The following WDFY4 variants were observed in gnomAD, a reference collection of about 807,000 sequenced individuals.
WDFY4 encodes WD repeat- and FYVE domain-containing protein 4.
In WDFY4, 169 loss-of-function variants were observed where a neutral mutation model predicts 351.9. The observed-to-expected ratio is 0.48, with a 90% CI of 0.42 to 0.55. The LOEUF is 0.55. Among genes scored for constraint, WDFY4 ranks in the 20% least tolerant of loss-of-function variants. The pLI, the probability that WDFY4 is intolerant of heterozygous loss-of-function variation, is 0.00. For synonymous variants in WDFY4, 1,622 were observed against 1,574.6 expected, an observed-to-expected ratio of 1.03 and a Z score of -0.71; for missense variants, 3,803 against 3,935.6, an observed-to-expected ratio of 0.97 and a Z score of 0.90.
chr10:48,866,800 C>T (rs902840309), intron 39 of WDFY4, among the ~76,000 whole-genome samples: 1 of 152,154 alleles, frequency 6.6e-6, no homozygotes, highest in Non-Finnish European at 1.5e-5. Context: ...ATAGGTGACG[C>T]CTGTATTTAT....
rs565360608 is a variant in WDFY4 at position 48,913,643 on chromosome 10, C to T, written c.7586+11780C>T. 32 of 1,613,884 alleles carry T rather than the reference C, an allele frequency of 2.0e-5. No homozygotes were observed. The East Asian group carries it at 3.6e-4, about 18-fold the overall frequency. On this transcript the variant is annotated intron_variant, in intron 47 of 61. Coordinates refer to ENST00000325239, the MANE Select transcript of WDFY4 (RefSeq NM_001394531.1). ...GAAAGGGGTTCCGCTTTATGTTGAG[C>T]TTTTTCAGCTTGGGGAGCTTGGAGA... is the stretch of plus-strand genomic sequence containing the variant.
chr10:48,733,297 T>TTTCATTCATTCA (rs57440826), intron 9 of WDFY4, among the ~76,000 whole-genome samples: 12 of 151,984 alleles, frequency 7.9e-5, no homozygotes, highest in African/African-American at 2.7e-4. Context: ...TAAACTCTAT[T>TTTCATTCATTCA]TTCATTCATT....
chr10:48,804,658 T>C, intron 25 of WDFY4: 3 of 957,104 alleles, frequency 3.1e-6, no homozygotes, highest in Non-Finnish European at 3.7e-6. Flanking sequence ...TCTTCCACTT[T>C]CCACTTTGTT....
At chr10:48,970,334 A>G in intron 57 of WDFY4, 45 bp downstream of exon 57, 1 of 1,537,422 alleles carries the variant, frequency 6.5e-7, no homozygotes, top group Non-Finnish European at 8.7e-7. Context: ...TGGGGACAGT[A>G]CTTCATGTAG....
chr10:48,800,241 C>T (rs770656494), intron 24 of WDFY4, among the ~76,000 whole-genome samples: 12 of 152,140 alleles, frequency 7.9e-5, no homozygotes, highest in African/African-American at 1.4e-4. Flanking sequence ...AAGGAGAAGA[C>T]GCAGTAAAAA....
intron 47 of WDFY4, among the ~76,000 whole-genome samples, chr10:48,929,681 A>G (rs1273076090): frequency 6.6e-6 from 1 of 152,122 alleles, no homozygotes; most frequent in African/African-American, 2.4e-5. Flanking sequence ...CCAATTCTGG[A>G]CTCACTTAGC....
chr10:48,842,412 G>GT (rs2068638102), intron 39 of WDFY4, among the ~76,000 whole-genome samples: 1 of 152,120 alleles, frequency 6.6e-6, no homozygotes, highest in Non-Finnish European at 1.5e-5. Context: ...AGAGACAGCA[G>GT]TCGCCAGGTG....
intron 12 of WDFY4, among the ~76,000 whole-genome samples, chr10:48,756,520 A>G (rs535802315): frequency 6.6e-6 from 1 of 152,106 alleles, no homozygotes; most frequent in Non-Finnish European, 1.5e-5. Flanking sequence ...TCCAATAGCA[A>G]TGGAGAGATC....
Position 48,754,835 on chromosome 10 carries a change from C to A in WDFY4, c.2460-5512C>A, listed in dbSNP as rs1368112789. Among the ~76,000 whole-genome samples, 3 of 152,136 alleles carry A rather than the reference C, an allele frequency of 2.0e-5. No homozygotes were observed. The South Asian group carries it at 6.2e-4, about 32-fold the overall frequency. ...CTGAGCACCTTAGCTACTCTGAGGA[C>A]TAAAAACAATCTCACTTTGCATATG... On this transcript the variant is annotated intron_variant, in intron 12 of 61. Coordinates refer to ENST00000325239, the MANE Select transcript of WDFY4 (RefSeq NM_001394531.1).
intron 2 of WDFY4, among the ~76,000 whole-genome samples, chr10:48,719,166 A>G (rs2063999214): frequency 6.6e-6 from 1 of 152,174 alleles, no homozygotes; most frequent in Non-Finnish European, 1.5e-5. Context: ...GACAAACTCA[A>G]AATAACTGCA....
At chr10:48,783,021 C>A (rs966293971) in intron 19 of WDFY4, among the ~76,000 whole-genome samples, 2 of 152,124 alleles carry the variant, frequency 1.3e-5, no homozygotes, top group African/African-American at 2.4e-5. Context: ...TCCTGGCAAG[C>A]CTTGATGGCT....
intron 36 of WDFY4, among the ~76,000 whole-genome samples, chr10:48,827,707 T>G (rs1036514864): frequency 6.6e-6 from 1 of 150,694 alleles, no homozygotes; most frequent in African/African-American, 2.4e-5. Flanking sequence ...TTATGTTTGA[T>G]CACTTGAAAA....
At chr10:48,930,014 C>T (rs1839893825) in intron 47 of WDFY4, among the ~76,000 whole-genome samples, 1 of 151,836 alleles carries the variant, frequency 6.6e-6, no homozygotes, top group Admixed American at 6.6e-5. Context: ...ATTATCTATC[C>T]CCCATTCTCC....
intron 37 of WDFY4, 27 bp downstream of exon 37, chr10:48,828,923 T>TGTGTGGGGGGGGGGGGGGGGGG (rs763409844): frequency 2.0e-4 from 1 of 4,978 alleles, no homozygotes; most frequent in African/African-American, 1.5e-3. Context: ...ATTGTGTGTG[T>TGTGTGGGGGGGGGGGGGGGGGG]GGGCGGGGGG....
chr10:48,874,797 G>A (rs2069930270), intron 41 of WDFY4, among the ~76,000 whole-genome samples: 1 of 152,210 alleles, frequency 6.6e-6, no homozygotes, highest in Admixed American at 6.5e-5. Context: ...GTCCTACACA[G>A]AGACATTGAG....
intron 12 of WDFY4, among the ~76,000 whole-genome samples, chr10:48,759,073 C>T (rs985028921): frequency 2.0e-5 from 3 of 152,014 alleles, no homozygotes; most frequent in African/African-American, 7.3e-5. Flanking sequence ...GGAACTAGCC[C>T]ACTTAGGTTC....
At chr10:48,767,870 CA>C (rs1454496176) in intron 13 of WDFY4, among the ~76,000 whole-genome samples, 10 of 152,150 alleles carry the variant, frequency 6.6e-5, no homozygotes, top group Non-Finnish European at 1.3e-4. Context: ...GCTGGGTGGG[CA>C]GGCTCTGAGC....
At chr10:48,952,656 C>T (rs1407427003) in intron 51 of WDFY4, among the ~76,000 whole-genome samples, 1 of 152,112 alleles carries the variant, frequency 6.6e-6, no homozygotes, top group Non-Finnish European at 1.5e-5. Flanking sequence ...TTAGTGTCCC[C>T]TACGTGCCCA....
chr10:48,805,942 T>C, intron 26 of WDFY4, 62 bp from the exon 27 acceptor site: 1 of 1,419,986 alleles, frequency 7.0e-7, no homozygotes, highest in Non-Finnish European at 9.7e-7. Context: ...AACACTGGCA[T>C]GTACTCAGCG....
Sources: allele counts gnomAD v4.1 joint callset (sites outside exome capture counted in the v4.1 genomes callset), GRCh38; gene constraint gnomAD v4.1.1; transcripts MANE v1.5; gene names NCBI Gene and HGNC (gene_info 2026-07-23, HGNC 2026-07-21).